Variants in NAE1 observed in about 807,000 individuals in gnomAD.
NAE1 encodes NEDD8-activating enzyme E1 regulatory subunit.
A neutral mutation model predicts 88.0 loss-of-function variants in NAE1; 59 were observed. The observed-to-expected ratio is 0.67, with a 90% confidence interval of 0.54 to 0.83. The LOEUF (loss-of-function observed/expected upper bound fraction) is 0.83. Ranked by LOEUF, NAE1 falls within the 40% of genes least tolerant of loss-of-function variation. NAE1 has a pLI of 0.00. For synonymous variants in NAE1, 186 were observed against 208.9 expected (o/e 0.89, Z 0.95); for missense variants, 554 against 632.8 (o/e 0.88, Z 1.34).
At chr16:66,810,885 T>C in intron 13 of NAE1, 113 bp from the exon 14 acceptor site, 3 of 834,664 alleles carry the variant, frequency 3.6e-6, no homozygotes, top group Non-Finnish European at 3.9e-6. Flanking sequence ...GGTCTGACAA[T>C]GTATGAAATG....
chr16:66,814,812 T>C (rs911027950), intron 11 of NAE1, among the ~76,000 whole-genome samples: 1 of 152,190 alleles, frequency 6.6e-6, no homozygotes, highest in African/African-American at 2.4e-5. Context: ...TTAAATAGCC[T>C]GCAAGGCCTT....
At chr16:66,821,132 A>T (rs923644018) in intron 7 of NAE1, among the ~76,000 whole-genome samples, 2 of 152,170 alleles carry the variant, frequency 1.3e-5, no homozygotes, top group African/African-American at 2.4e-5. Context: ...AGAGTGATCC[A>T]CATTCCTTAG....
intron 6 of NAE1, among the ~76,000 whole-genome samples, chr16:66,821,851 G>GA (rs1308022821): frequency 6.6e-6 from 1 of 152,084 alleles, no homozygotes; most frequent in Non-Finnish European, 1.5e-5. Context: ...CCATGATAGA[G>GA]AAAAAATATA....
chr16:66,806,282 C>T (rs368543690), intron 17 of NAE1: 3 of 312,528 alleles, frequency 9.6e-6, no homozygotes, highest in East Asian at 6.8e-5. Context: ...GCATCTGGCA[C>T]ATAGTGCTTA....
chr16:66,822,145 C>A (rs368498103), intron 6 of NAE1, among the ~76,000 whole-genome samples: 11 of 152,314 alleles, frequency 7.2e-5, no homozygotes, highest in Middle Eastern at 3.4e-3. Flanking sequence ...GAATTACAGG[C>A]ATGAGTCACT....
chr16:66,813,710 G>GA lies in NAE1; in HGVS notation c.901-14dup, dbSNP rs1288576957. On this transcript the variant is annotated splice_polypyrimidine_tract_variant and intron_variant, in intron 12 of 19. Transcript: ENST00000290810. ...AAAATGATGGAGTCTAAAAGAATAA[G>GA]AAAAAATTAACATTAAGTGGCGTTT... The GA allele has an allele frequency of 6.2e-7, 1 of 1,610,328 alleles. No homozygotes were observed. Among genetic ancestry groups the GA allele is most frequent in the African/African-American group, 1.3e-5 (1 of 74,812 alleles).
intron 19 of NAE1, among the ~76,000 whole-genome samples, chr16:66,804,149 G>A (rs1277036962): frequency 2.0e-5 from 3 of 151,572 alleles, no homozygotes; most frequent in African/African-American, 4.8e-5. Flanking sequence ...GGATGGCATC[G>A]CAGAGAAGAC....
intron 3 of NAE1, 82 bp downstream of exon 3, chr16:66,826,441 G>A (rs1473474385): frequency 1.5e-6 from 2 of 1,300,974 alleles, no homozygotes; most frequent in Admixed American, 1.8e-5. Context: ...TGAGAGTCGA[G>A]TCACCCTGAC....
intron 15 of NAE1, among the ~76,000 whole-genome samples, chr16:66,810,003 T>G (rs916494416): frequency 3.3e-5 from 5 of 152,146 alleles, no homozygotes; most frequent in African/African-American, 4.8e-5. Context: ...AAATGAGTAT[T>G]TAAACCAATA....
chr16:66,810,504 G>A, intron 14 of NAE1, 91 bp from the exon 15 acceptor site: 4 of 1,250,232 alleles, frequency 3.2e-6, no homozygotes, highest in Non-Finnish European at 4.6e-6. Flanking sequence ...GAGATGGGAA[G>A]GCTTTCTCCA....
intron 1 of NAE1, 136 bp downstream of exon 1, chr16:66,830,711 C>T (rs995971579): frequency 2.2e-5 from 18 of 800,088 alleles, no homozygotes; most frequent in Middle Eastern, 7.5e-4. Flanking sequence ...GCGCCGGCTT[C>T]CCGCGCCCCG....
rs77699528 is a variant in NAE1 at position 66,826,523 on chromosome 16, T to C, written c.218A>G (p.Asn73Ser). The C allele has an allele frequency of 5.6e-5, 91 of 1,613,920 alleles. No homozygotes were observed. Among genetic ancestry groups the C allele is most frequent in the Non-Finnish European group, 6.5e-5 (77 of 1,179,996 alleles). The change falls in exon 3 of 20, where the codon AAT becomes AGT. Residue 73 changes from asparagine (N) to serine (S), a missense_variant and splice_region_variant. Coordinates refer to ENST00000290810, the MANE Select transcript of NAE1 (RefSeq NM_003905.4). ...NQVSGEDAGN[N>S]FFLQRSSIGK... ...TATATTTGAAGAGAATAGAACATAC[T>C]TGTTTCCAGCATCTTCTCCGCTGAC...
chr16:66,830,395 C>T (rs1385930259), intron 1 of NAE1, among the ~76,000 whole-genome samples: 2 of 152,168 alleles, frequency 1.3e-5, no homozygotes, highest in Non-Finnish European at 2.9e-5. Context: ...TTCATTTTAC[C>T]TTTAGTGTGG....
chr16:66,820,241 A>G (rs1484764267), intron 7 of NAE1, among the ~76,000 whole-genome samples: 1 of 152,242 alleles, frequency 6.6e-6, no homozygotes, highest in African/African-American at 2.4e-5. Flanking sequence ...TTGAGTCAAT[A>G]AAGAGCACTG....
chr16:66,829,630 G>C (rs373338821), intron 1 of NAE1, among the ~76,000 whole-genome samples: 1 of 152,200 alleles, frequency 6.6e-6, no homozygotes, highest in African/African-American at 2.4e-5. Context: ...TTGTCTCAGA[G>C]GCTCCAGGAA....
chr16:66,810,500 G>T, intron 14 of NAE1, 87 bp from the exon 15 acceptor site: 1 of 1,273,478 alleles, frequency 7.9e-7, no homozygotes. Flanking sequence ...CTGTGAGATG[G>T]GAAGGCTTTC....
Position 66,813,672 on chromosome 16 carries a change from C to T in NAE1, c.926G>A (p.Arg309His), listed in dbSNP as rs35391524. 4,643 of 1,613,668 alleles carry T rather than the reference C, an allele frequency of 2.9e-3. 111 individuals are homozygous for T. In the African/African-American group the frequency reaches 0.052, roughly 18 times the overall value. ...TTTGGCCACAAATTCCTTTAAGGCA[C>T]GAGCTAAAATCCAAAATGATGGAGT... Reference protein sequence around the residue: ...KQTPSFWILARALKEFVAKEG... With the variant: ...KQTPSFWILAHALKEFVAKEG... The change falls in exon 13 of 20, where the codon CGT becomes CAT. Residue 309 changes from arginine (R) to histidine (H), a missense_variant. Transcript: ENST00000290810.
chr16:66,809,122 A>C (rs768720709), intron 15 of NAE1, 47 bp from the exon 16 acceptor site: 1 of 1,403,704 alleles, frequency 7.1e-7, no homozygotes, highest in African/African-American at 1.4e-5. Flanking sequence ...TGACTGGTGA[A>C]TATTATGAAT....
intron 4 of NAE1, 68 bp downstream of exon 4, chr16:66,824,787 T>C: frequency 7.1e-7 from 1 of 1,400,772 alleles, no homozygotes; most frequent in Non-Finnish European, 9.9e-7. Flanking sequence ...AGTCAAAGCT[T>C]TTCAAGCAAT....
Sources: allele counts gnomAD v4.1 joint callset (sites outside exome capture counted in the v4.1 genomes callset), GRCh38; gene constraint gnomAD v4.1.1; transcripts MANE v1.5; gene names NCBI Gene and HGNC (gene_info 2026-07-23, HGNC 2026-07-21).